Variants in ZC3H12B observed in about 807,000 individuals in gnomAD.
ZC3H12B encodes the protein zinc finger CCCH-type containing 12B.
Under a neutral mutation model 43.9 loss-of-function variants are expected in ZC3H12B, and 7 were observed. The ratio of observed to expected loss-of-function variants is 0.16; its 90% CI spans 0.09 to 0.30. ZC3H12B has a LOEUF of 0.30. Among genes scored for constraint, ZC3H12B ranks in the 10% least tolerant of loss-of-function variants. The pLI is 1.00. For missense variants in ZC3H12B, 475 were observed against 670.2 expected, an observed-to-expected ratio of 0.71 and a Z score of 3.22; for synonymous variants, 222 against 241.7, an observed-to-expected ratio of 0.92 and a Z score of 0.76.
chrX:65,073,912 T>A, the ZC3H12B span, among the ~76,000 whole-genome samples: 1 of 111,531 alleles, frequency 9.0e-6, no homozygotes, highest in African/African-American at 3.3e-5. Flanking sequence ...CTTTCCTCCA[T>A]CCACTCTTAG....
the ZC3H12B span, among the ~76,000 whole-genome samples, chrX:65,218,081 A>G: frequency 8.9e-6 from 1 of 112,379 alleles, no homozygotes; most frequent in African/African-American, 3.2e-5. Flanking sequence ...AGCAAGTAAC[A>G]TATAAAGGGA....
chrX:65,305,774 G>C, the ZC3H12B span, among the ~76,000 whole-genome samples: 116 of 111,976 alleles, frequency 1.0e-3, 1 homozygote, highest in African/African-American at 3.8e-3. Flanking sequence ...TTAATAAATG[G>C]GTGATATCGC....
upstream of ZC3H12B, among the ~76,000 whole-genome samples, chrX:65,488,051 T>G (rs2068150394): frequency 3.6e-5 from 4 of 110,771 alleles, no homozygotes; most frequent in South Asian, 1.5e-3. Context: ...TTTTGTATTT[T>G]TAGTAGAGAC....
chrX:65,425,720 A>G (rs185353829), intron 3 of ZC3H12B, among the ~76,000 whole-genome samples: 1 of 111,974 alleles, frequency 8.9e-6, no homozygotes, highest in Non-Finnish European at 1.9e-5. Context: ...TGAGTTAATC[A>G]TGTAGTTTTT....
chrX:65,175,344 C>T, the ZC3H12B span, among the ~76,000 whole-genome samples: 1 of 111,811 alleles, frequency 8.9e-6, no homozygotes, highest in Non-Finnish European at 1.9e-5. Context: ...GATCTCTCTC[C>T]GTTTTGCATG....
chrX:65,466,592 G>T (rs1041672200), intron 3 of ZC3H12B, among the ~76,000 whole-genome samples: 1 of 108,801 alleles, frequency 9.2e-6, no homozygotes, highest in Non-Finnish European at 1.9e-5. Context: ...ACTCAAAAGT[G>T]AGATTGCTGG....
At chrX:65,335,236 A>T in the ZC3H12B span, among the ~76,000 whole-genome samples, 1 of 111,456 alleles carries the variant, frequency 9.0e-6, no homozygotes, top group Non-Finnish European at 1.9e-5. Flanking sequence ...ATTTTTTCAA[A>T]ATGGGGTCTG....
At chrX:65,137,816 A>T in the ZC3H12B span, among the ~76,000 whole-genome samples, 4 of 112,546 alleles carry the variant, frequency 3.6e-5, no homozygotes, top group African/African-American at 1.3e-4. Context: ...ATATTTATTG[A>T]CCATAGTCAC....
intron 2 of ZC3H12B, among the ~76,000 whole-genome samples, chrX:65,376,628 C>G (rs1394360904): frequency 1.8e-5 from 2 of 111,794 alleles, no homozygotes; most frequent in African/African-American, 6.5e-5. Context: ...GCGTTTCTGC[C>G]TTAATACATA....
At chrX:65,358,596 C>A in the ZC3H12B span, among the ~76,000 whole-genome samples, 37 of 110,885 alleles carry the variant, frequency 3.3e-4, no homozygotes, top group Non-Finnish European at 6.6e-4. Context: ...GGGTAAATAA[C>A]GAAATTAAGG....
chrX:65,327,272 G>T, the ZC3H12B span, among the ~76,000 whole-genome samples: 1 of 110,900 alleles, frequency 9.0e-6, no homozygotes, highest in Admixed American at 9.7e-5. Flanking sequence ...AATATACATA[G>T]ATCTATATCT....
chrX:65,377,080 G>T (rs1433023705), intron 2 of ZC3H12B, among the ~76,000 whole-genome samples: 1 of 109,596 alleles, frequency 9.1e-6, no homozygotes, highest in Admixed American at 1.0e-4. Flanking sequence ...TAATTAAAAA[G>T]AATCAAGTAG....
At chrX:65,253,631 C>T in the ZC3H12B span, among the ~76,000 whole-genome samples, 1 of 104,675 alleles carries the variant, frequency 9.6e-6, no homozygotes, top group African/African-American at 4.2e-5. Flanking sequence ...ACCTGATAGC[C>T]CCCCTGTCTG....
At chrX:65,407,245 C>A (rs917795325) in intron 3 of ZC3H12B, among the ~76,000 whole-genome samples, 1 of 112,310 alleles carries the variant, frequency 8.9e-6, no homozygotes, top group African/African-American at 3.2e-5. Flanking sequence ...GCGCGCGAGG[C>A]GCGGCGCCCT....
At chrX:65,218,922 A>C in the ZC3H12B span, among the ~76,000 whole-genome samples, 13 of 111,668 alleles carry the variant, frequency 1.2e-4, no homozygotes, top group African/African-American at 4.2e-4. Context: ...AGTCCACTTC[A>C]CTCCATTGCT....
chrX:65,249,697 T>C, the ZC3H12B span, among the ~76,000 whole-genome samples: 1 of 111,570 alleles, frequency 9.0e-6, no homozygotes, highest in South Asian at 3.7e-4. Context: ...GCATGGGATA[T>C]GTTTCATTTC....
At chrX:65,331,796 A>G in the ZC3H12B span, among the ~76,000 whole-genome samples, 1 of 111,095 alleles carries the variant, frequency 9.0e-6, no homozygotes, top group African/African-American at 3.3e-5. Context: ...TTCCATTTTT[A>G]GAACATATAG....
At chrX:65,451,184 G>A (rs1421476685) in intron 3 of ZC3H12B, among the ~76,000 whole-genome samples, 4 of 110,328 alleles carry the variant, frequency 3.6e-5, no homozygotes, top group African/African-American at 9.9e-5. Flanking sequence ...TTCTGACCTC[G>A]AGTGAGCCAC....
At chrX:65,275,871 A>G in the ZC3H12B span, among the ~76,000 whole-genome samples, 1 of 112,165 alleles carries the variant, frequency 8.9e-6, no homozygotes, top group Non-Finnish European at 1.9e-5. Flanking sequence ...ACGATTTCAG[A>G]AAAAGTATTC....
Sources: allele counts gnomAD v4.1 joint callset (sites outside exome capture counted in the v4.1 genomes callset), GRCh38; gene constraint gnomAD v4.1.1; transcripts MANE v1.5; gene names NCBI Gene and HGNC (gene_info 2026-07-23, HGNC 2026-07-21).